SGSM1: variants seen among roughly 807,000 people sequenced by gnomAD.
SGSM1 encodes the protein RUN and TBC1 domain containing 2.
In SGSM1, 73 loss-of-function variants were observed where a neutral mutation model predicts 133.8. The observed-to-expected ratio is 0.55, with a 90% CI of 0.45 to 0.66. The LOEUF (loss-of-function observed/expected upper bound fraction) is 0.66, where lower values mean the gene tolerates loss of function less well. Among genes scored for constraint, SGSM1 ranks in the 30% least tolerant of loss-of-function variants. The pLI, the probability that SGSM1 is intolerant of heterozygous loss-of-function variation, is 0.00. For synonymous variants in SGSM1, 563 were observed against 573.0 expected, an observed-to-expected ratio of 0.98 and a Z score of 0.25; for missense variants, 1,213 against 1,448.1, an observed-to-expected ratio of 0.84 and a Z score of 2.64.
At chr22:24,920,391 G>A (rs1933962693) in intron 24 of SGSM1, among the ~76,000 whole-genome samples, 1 of 152,260 alleles carries the variant, frequency 6.6e-6, no homozygotes, top group African/African-American at 2.4e-5. Context: ...TGAGTAACAC[G>A]AAAAAGACAC....
At chr22:24,851,575 G>A (rs1930487855) in intron 5 of SGSM1, among the ~76,000 whole-genome samples, 1 of 151,950 alleles carries the variant, frequency 6.6e-6, no homozygotes, top group South Asian at 2.1e-4. Flanking sequence ...ATCATTCTTT[G>A]CCCCTTTGCA....
chr22:24,919,117 C>T (rs1274276811), intron 23 of SGSM1, among the ~76,000 whole-genome samples: 3 of 139,058 alleles, frequency 2.2e-5, no homozygotes, highest in Non-Finnish European at 4.6e-5. Flanking sequence ...GGTGCAATCT[C>T]GGCTTACTGC....
chr22:24,922,179 C>CT (rs140795501), intron 24 of SGSM1, among the ~76,000 whole-genome samples: 1,361 of 106,878 alleles, frequency 0.013, 37 homozygotes, highest in East Asian at 0.027. Context: ...CACTTACTTT[C>CT]TTTTTTTTTT....
In SGSM1 at chr22:24,922,047, C is replaced by T. The variant is rs542442079; in HGVS notation, c.3193+2054C>T. 6.6e-4 allele frequency among the ~76,000 whole-genome samples: 101 copies of T among 152,200 alleles called. 1 individual carries two copies. The highest frequency in any genetic ancestry group is 2.1e-3 in the African/African-American group (89 of 41,524). ...GAAAATAACATTTTTACATCATTCC[C>T]GAATAAGCACAATTGCTAATGGGGT... On this transcript the variant is annotated intron_variant, in intron 24 of 24. Coordinates refer to ENST00000400358, the MANE Select transcript of SGSM1 (RefSeq NM_001098497.3).
intron 24 of SGSM1, among the ~76,000 whole-genome samples, chr22:24,923,668 G>A (rs1030199401): frequency 1.7e-4 from 26 of 152,016 alleles, no homozygotes; most frequent in African/African-American, 6.0e-4. Context: ...TGTTGCCCAG[G>A]CTGGAGTGCA....
At chr22:24,897,767 C>T (rs1041147657) in intron 18 of SGSM1, among the ~76,000 whole-genome samples, 13 of 152,214 alleles carry the variant, frequency 8.5e-5, no homozygotes, top group African/African-American at 2.7e-4. Context: ...CCATGCCCAG[C>T]CTAGATCACT....
rs111905356 is a variant in SGSM1, at chr22:24,845,654, G to A, written c.139+682G>A. Among the ~76,000 whole-genome samples the A allele has an allele frequency of 4.9e-3, 740 of 152,322 alleles. 9 individuals are homozygous for A. The highest frequency in any genetic ancestry group is 0.017 in the African/African-American group (707 of 41,576). On this transcript the variant is annotated intron_variant, in intron 3 of 24. Transcript: ENST00000400358. ...TTCTAATTCCCCTCCCGTGATCTTG[G>A]TCCTGTGGAGAGGCCTGAGCTGGGA... is the stretch of plus-strand genomic sequence containing the variant.
At chr22:24,858,654 A>AAAAG (rs1268815477) in intron 8 of SGSM1, among the ~76,000 whole-genome samples, 10 of 142,722 alleles carry the variant, frequency 7.0e-5, no homozygotes, top group East Asian at 2.1e-4. Flanking sequence ...AAAAAAAAAA[A>AAAAG]AAGAAGAAAG....
chr22:24,846,306 A>G (rs1178822277), intron 3 of SGSM1, among the ~76,000 whole-genome samples: 1 of 151,736 alleles, frequency 6.6e-6, no homozygotes, highest in Non-Finnish European at 1.5e-5. Context: ...CCCAAAATGA[A>G]GATCTTATTT....
At position 24,844,972 on chromosome 22, in the gene SGSM1, G is replaced by A; in HGVS notation, c.139G>A (p.Ala47Thr). ...EDSSHIISFC[A>T]AVEACVLHGL... ...CAGCAGCCACATCATCTCCTTCTGT[G>A]GTGAGTCTGTGACCTGGGAAAGTGG... The change falls in exon 3 of 25, where the codon GCG becomes ACG. Residue 47 changes from alanine to threonine, a missense_variant and splice_region_variant. By Grantham distance (58) the Ala-to-Thr change is moderately conservative (BLOSUM62 0). Coordinates refer to ENST00000400358, the MANE Select transcript of SGSM1 (RefSeq NM_001098497.3). 2 of 1,613,734 alleles carry A rather than the reference G, an allele frequency of 1.2e-6. No individual in the cohort carries two copies. The highest frequency in any genetic ancestry group is 1.7e-6 in the Non-Finnish European group (2 of 1,179,808).
chr22:24,907,077 T>C (rs1933410898), intron 21 of SGSM1, among the ~76,000 whole-genome samples: 1 of 151,336 alleles, frequency 6.6e-6, no homozygotes, highest in Admixed American at 6.6e-5. Flanking sequence ...CTGGCCAACA[T>C]GGTGAAACCC....
At chr22:24,902,988 A>G (rs957904577) in intron 20 of SGSM1, among the ~76,000 whole-genome samples, 9 of 151,914 alleles carry the variant, frequency 5.9e-5, no homozygotes, top group African/African-American at 2.2e-4. Flanking sequence ...GCAACAATGA[A>G]CTGTGATCAC....
chr22:24,870,305 C>T (rs1349413107), intron 12 of SGSM1, among the ~76,000 whole-genome samples: 1 of 152,192 alleles, frequency 6.6e-6, no homozygotes, highest in Non-Finnish European at 1.5e-5. Context: ...GATGTTGAGC[C>T]AGCGTCTGTT....
intron 15 of SGSM1, among the ~76,000 whole-genome samples, 197 bp from the exon 16 acceptor site, chr22:24,886,403 G>A (rs62231159): frequency 1.9e-4 from 13 of 67,734 alleles, no homozygotes; most frequent in Non-Finnish European, 3.4e-4. Flanking sequence ...GTCTCAAAGA[G>A]AAGAAGATAG....
intron 21 of SGSM1, among the ~76,000 whole-genome samples, chr22:24,909,545 T>A (rs1312242661): frequency 6.6e-6 from 1 of 152,060 alleles, no homozygotes; most frequent in Non-Finnish European, 1.5e-5. Flanking sequence ...AACCTCCACC[T>A]CCTGGGTTCA....
Position 24,876,558 on chromosome 22 carries a change from C to G in SGSM1, c.1292-19C>G. The G allele has an allele frequency of 1.2e-6, 2 of 1,613,818 alleles. No individual in the cohort carries two copies. The highest frequency in any genetic ancestry group is 1.7e-6 in the Non-Finnish European group (2 of 1,179,768). On this transcript the variant is annotated intron_variant, in intron 12 of 24. Coordinates refer to ENST00000400358, the MANE Select transcript of SGSM1 (RefSeq NM_001098497.3). Reference sequence around the variant, plus strand: ...TTTAACCAGGGTGATTCTTCTGCCCCTCCTTCTATCCACCACAGTGCCCCA... The same window carrying G: ...TTTAACCAGGGTGATTCTTCTGCCCGTCCTTCTATCCACCACAGTGCCCCA...
chr22:24,855,957 C>T (rs1006271307), intron 8 of SGSM1: 5 of 618,254 alleles, frequency 8.1e-6, no homozygotes, highest in African/African-American at 1.8e-5. Flanking sequence ...ATCCAACCAT[C>T]TTTACATTCA....
Position 24,907,551 on chromosome 22 carries a change from T to C in SGSM1, c.2818+2364T>C, listed in dbSNP as rs555458393. Among the ~76,000 whole-genome samples the C allele has an allele frequency of 1.4e-3, 209 of 151,980 alleles. 1 individual carries two copies. Among genetic ancestry groups the C allele is most frequent in the African/African-American group, 4.8e-3 (198 of 41,484 alleles). On this transcript the variant is annotated intron_variant, in intron 21 of 24. Coordinates refer to ENST00000400358, the MANE Select transcript of SGSM1 (RefSeq NM_001098497.3). ...GTTGTTGTTTTTTTTGGTTTTTTGGTTTTTTTGCAAAAATTAACAAGCTGA... is the reference window on the plus strand; with the variant it reads ...GTTGTTGTTTTTTTTGGTTTTTTGGCTTTTTTGCAAAAATTAACAAGCTGA...
chr22:24,893,151 T>C (rs1297845894), intron 16 of SGSM1, among the ~76,000 whole-genome samples: 8 of 152,126 alleles, frequency 5.3e-5, no homozygotes. Flanking sequence ...ATGTACTATC[T>C]AGCACATAGT....
Sources: gnomAD v4.1 joint callset for allele counts (sites outside exome capture counted in the v4.1 genomes callset) on GRCh38, gnomAD v4.1.1 for gene constraint, MANE v1.5 for transcripts, NCBI Gene and HGNC (gene_info 2026-07-23, HGNC 2026-07-21) for gene names.